RAB27A: variants seen among roughly 807,000 people sequenced by gnomAD.
RAB27A encodes the protein RAB27A, member RAS oncogene family.
A neutral mutation model predicts 20.8 loss-of-function variants in RAB27A; 17 were observed. That is an observed-to-expected ratio of 0.82 (90% CI 0.56 to 1.23). The LOEUF (loss-of-function observed/expected upper bound fraction) is 1.23, where lower values mean the gene tolerates loss of function less well. RAB27A is among the 50% of genes most tolerant of loss of function. The pLI is 0.00. For missense variants in RAB27A, 277 were observed against 266.7 expected (o/e 1.04, Z -0.27); for synonymous variants, 85 against 92.8 (o/e 0.92, Z 0.48).
intron 2 of RAB27A, among the ~76,000 whole-genome samples, chr15:55,310,900 C>T (rs968045505): frequency 2.6e-5 from 4 of 152,158 alleles, no homozygotes; most frequent in African/African-American, 7.2e-5. Context: ...ACCAGAAAGG[C>T]GGTAGGATTT....
chr15:55,228,616 GT>G lies in RAB27A; in HGVS notation c.335del (p.Asn112ThrfsTer3), dbSNP rs756644243. On this transcript the variant is annotated frameshift_variant, in exon 5 of 7. Transcript: ENST00000336787. LOFTEE classifies it high-confidence loss of function. ...TNEQSFLNVR[N>X]WISQLQMHAY... is the part of the protein sequence containing the mutation. The stretch of plus-strand genomic sequence containing the variant: ...GGGAACAATAACACTTACTTATCCA[GT>G]TTCTGACATTGAGGAAACTTTGCTC... 6.9e-6 allele frequency: 11 copies of G among 1,596,936 alleles called. No homozygotes were observed. In the Admixed American group the frequency reaches 1.8e-4, roughly 27 times the overall value.
intron 1 of RAB27A, among the ~76,000 whole-genome samples, chr15:55,287,102 T>A (rs1401672040): frequency 6.6e-6 from 1 of 151,878 alleles, no homozygotes; most frequent in Non-Finnish European, 1.5e-5. Flanking sequence ...GTATTTTTAG[T>A]AGATACAGGG....
chr15:55,291,768 C>CCATT (rs1566938622), upstream of RAB27A, among the ~76,000 whole-genome samples: 2 of 151,996 alleles, frequency 1.3e-5, no homozygotes, highest in Non-Finnish European at 2.9e-5. Context: ...CATTCATCAC[C>CCATT]CATTCATTCA....
intron 1 of RAB27A, among the ~76,000 whole-genome samples, chr15:55,271,562 C>T (rs1455717694): frequency 2.0e-5 from 3 of 152,236 alleles, no homozygotes; most frequent in Admixed American, 1.3e-4. Context: ...GAGCTGGATA[C>T]ACCTTCCCTG....
chr15:55,278,151 A>T (rs888504839), intron 1 of RAB27A, among the ~76,000 whole-genome samples: 3 of 152,186 alleles, frequency 2.0e-5, no homozygotes, highest in African/African-American at 7.2e-5. Flanking sequence ...GGAAGCTGCA[A>T]TGTTTGCTTT....
chr15:55,212,420 G>A (rs1045566761), intron 6 of RAB27A, among the ~76,000 whole-genome samples: 4 of 152,086 alleles, frequency 2.6e-5, no homozygotes, highest in African/African-American at 9.7e-5. Context: ...AGAGGTCACT[G>A]GCCATGTTTA....
chr15:55,228,626 T>C lies in RAB27A; in HGVS notation c.326A>G (p.Asn109Ser), dbSNP rs149282056. 26 of 1,604,840 alleles carry C rather than the reference T, an allele frequency of 1.6e-5. No individual in the cohort carries two copies. The highest frequency in any genetic ancestry group is 2.0e-5 in the Non-Finnish European group (23 of 1,171,626). The change falls in exon 5 of 7, where the codon AAT (asparagine) becomes AGT (serine). Residue 109 changes from asparagine to serine, a missense_variant. Transcript: ENST00000336787. ...ACACTTACTTATCCAGTTTCTGACA[T>C]TGAGGAAACTTTGCTCATTTGTCAG... ...FDLTNEQSFLNVRNWISQLQM... is the reference protein window; with the variant it reads ...FDLTNEQSFLSVRNWISQLQM...
At chr15:55,245,820 C>T (rs1422222568) in intron 2 of RAB27A, among the ~76,000 whole-genome samples, 1 of 152,106 alleles carries the variant, frequency 6.6e-6, no homozygotes, top group African/African-American at 2.4e-5. Context: ...ATTAAATATA[C>T]ATTTCTGGGC....
intron 6 of RAB27A, among the ~76,000 whole-genome samples, chr15:55,215,945 C>CA (rs1162706734): frequency 0.078 from 4,058 of 52,022 alleles, 481 homozygotes; most frequent in African/African-American, 0.2. Flanking sequence ...GACGCCGTCT[C>CA]AAAAAAAAAA....
intron 2 of RAB27A, among the ~76,000 whole-genome samples, chr15:55,299,876 A>T (rs895129073): frequency 4.0e-5 from 6 of 149,556 alleles, no homozygotes; most frequent in South Asian, 2.1e-4. Flanking sequence ...GCTGGAGTGC[A>T]ATGGCGCGAT....
chr15:55,267,627 G>A (rs1897547996), intron 2 of RAB27A, among the ~76,000 whole-genome samples: 2 of 152,186 alleles, frequency 1.3e-5, no homozygotes, highest in African/African-American at 4.8e-5. Flanking sequence ...TGACTCATCA[G>A]CTATCACGTA....
At chr15:55,267,346 A>G (rs1166640023) in intron 2 of RAB27A, among the ~76,000 whole-genome samples, 1 of 152,170 alleles carries the variant, frequency 6.6e-6, no homozygotes, top group Non-Finnish European at 1.5e-5. Flanking sequence ...AGGATGATTT[A>G]TACCCGTGTT....
At chr15:55,298,102 G>A (rs960525587) in intron 2 of RAB27A, among the ~76,000 whole-genome samples, 2 of 151,972 alleles carry the variant, frequency 1.3e-5, no homozygotes, top group Non-Finnish European at 2.9e-5. Context: ...CTACTTGAGA[G>A]GCTGAGGCAG....
intron 2 of RAB27A, among the ~76,000 whole-genome samples, chr15:55,241,642 GTT>G (rs67185704): frequency 1.6e-5 from 2 of 124,918 alleles, no homozygotes; most frequent in Admixed American, 7.6e-5. Flanking sequence ...ATATATATTT[GTT>G]TTTTTTTTTA....
rs796303004 is a variant in RAB27A at position 55,213,772 on chromosome 15, T to C, written c.468-8067A>G. Among the ~76,000 whole-genome samples, 26 of 152,346 alleles carry C rather than the reference T, an allele frequency of 1.7e-4. 1 individual carries two copies. Among genetic ancestry groups the C allele is most frequent in the African/African-American group, 6.0e-4 (25 of 41,578 alleles). On this transcript the variant is annotated intron_variant, in intron 6 of 6. Coordinates refer to ENST00000336787, the MANE Select transcript of RAB27A (RefSeq NM_183235.3). ...CTCCTATCACCCCCAGATGGGACTG[T>C]CCAGTTGCAGGAAAACAAGCTCAGG...
At chr15:55,291,534 AAAAAAAAAAG>A (rs1898310632), upstream of RAB27A, among the ~76,000 whole-genome samples, 1 of 143,266 alleles carries the variant, frequency 7.0e-6, no homozygotes, top group Non-Finnish European at 1.5e-5. Context: ...AAAAAAAAAA[AAAAAAAAAAG>A]GGAAAAGGTA....
intron 1 of RAB27A, among the ~76,000 whole-genome samples, chr15:55,271,376 T>C (rs1435694058): frequency 6.6e-6 from 1 of 152,228 alleles, no homozygotes; most frequent in Non-Finnish European, 1.5e-5. Flanking sequence ...ATTTGCACAT[T>C]CTTGGGCCCA....
intron 2 of RAB27A, among the ~76,000 whole-genome samples, chr15:55,301,393 G>A (rs772084045): frequency 1.3e-5 from 2 of 152,110 alleles, no homozygotes; most frequent in South Asian, 2.1e-4. Flanking sequence ...AACTGCAGCT[G>A]CTAGTTTGGA....
intron 2 of RAB27A, among the ~76,000 whole-genome samples, chr15:55,264,559 T>C (rs1265569209): frequency 6.6e-6 from 1 of 152,158 alleles, no homozygotes; most frequent in Non-Finnish European, 1.5e-5. Flanking sequence ...AGGGTTGTAG[T>C]GTTCACAACA....
Sources: allele counts gnomAD v4.1 joint callset (sites outside exome capture counted in the v4.1 genomes callset), GRCh38; gene constraint gnomAD v4.1.1; transcripts MANE v1.5; gene names NCBI Gene and HGNC (gene_info 2026-07-23, HGNC 2026-07-21).